RYR2: variants seen among roughly 807,000 people sequenced by gnomAD.
RYR2 encodes the protein cardiac muscle ryanodine receptor-calcium release channel.
Under a neutral mutation model 601.1 loss-of-function variants are expected in RYR2, and 227 were observed. The observed-to-expected ratio is 0.38, with a 90% CI of 0.34 to 0.42. The LOEUF (loss-of-function observed/expected upper bound fraction) is 0.42, where lower values mean the gene tolerates loss of function less well. Among genes scored for constraint, RYR2 ranks in the 10% least tolerant of loss-of-function variants. The pLI is 1.00. For missense variants in RYR2, 4,646 were observed against 6,156.5 expected (o/e 0.75, Z 8.21); for synonymous variants, 2,223 against 2,175.1 (o/e 1.02, Z -0.61).
At position 237,794,141 on chromosome 1, in the gene RYR2, G is replaced by A. The variant is rs962536302; in HGVS notation, c.13913+144G>A. The A allele has an allele frequency of 6.2e-5, 43 of 689,974 alleles. No individual in the cohort carries two copies. The African/African-American group carries it at 7.1e-4, about 11-fold the overall frequency. 42.7% of individuals were successfully genotyped at this position (689,974 alleles called of 1,614,324 possible). A position where few individuals can be genotyped will look rare whatever the true frequency, so the allele number is the denominator to read the frequency against. ...CAGCCAAGAAAAATCTAAAGACTCAGTGCTGTCCAACTCTTAATGGTGGAT... is the reference window on the plus strand; with the variant it reads ...CAGCCAAGAAAAATCTAAAGACTCAATGCTGTCCAACTCTTAATGGTGGAT... On this transcript the variant is annotated intron_variant, in intron 95 of 104. Transcript: ENST00000366574.
chr1:237,613,520 A>G (rs10733119), intron 36 of RYR2, among the ~76,000 whole-genome samples: 137,277 of 152,218 alleles, frequency 0.9, 61,960 homozygotes, highest in Non-Finnish European at 0.91. Flanking sequence ...AGTCTGGAGT[A>G]CAGTGGCGCG....
At chr1:237,545,075 G>T (rs957130247) in intron 25 of RYR2, among the ~76,000 whole-genome samples, 7 of 152,172 alleles carry the variant, frequency 4.6e-5, no homozygotes, top group Non-Finnish European at 1.0e-4. Context: ...AGGAAAGAAG[G>T]TTAAAAAAGT....
rs1553342510 is a variant in RYR2 at position 237,830,604 on chromosome 1, A to G, written c.14730A>G (p.Leu4910=). 1 of 1,605,972 alleles carries G rather than the reference A, an allele frequency of 6.2e-7. No individual in the cohort carries two copies. Among genetic ancestry groups the G allele is most frequent in the South Asian group, 1.1e-5 (1 of 90,764 alleles). The change falls in exon 103 of 105, where the codon TTA becomes TTG. Residue 4910 remains leucine, a synonymous_variant. Coordinates refer to ENST00000366574, the MANE Select transcript of RYR2 (RefSeq NM_001035.3). ...TVPHGFETHT[L]QEHNLANYLF... ...CACATGGCTTTGAAACCCACACTTTACAGGAGCACAACTTGGCTAATTACT... is the reference window on the plus strand; with the variant it reads ...CACATGGCTTTGAAACCCACACTTTGCAGGAGCACAACTTGGCTAATTACT...
intron 84 of RYR2, 148 bp from the exon 85 acceptor site, chr1:237,770,659 C>A: frequency 1.9e-6 from 1 of 519,914 alleles, no homozygotes; most frequent in Non-Finnish European, 3.6e-6. Context: ...ATCTTATGAG[C>A]TTCAGATAGA....
At chr1:237,658,077 T>A in intron 54 of RYR2, 55 bp downstream of exon 54, 2 of 986,898 alleles carry the variant, frequency 2.0e-6, no homozygotes, top group Non-Finnish European at 2.9e-6. Context: ...CTGGTCACTG[T>A]TCAAATATTT....
At chr1:237,566,515 C>G in intron 27 of RYR2, 52 bp from the exon 28 acceptor site, 2 of 1,543,830 alleles carry the variant, frequency 1.3e-6, no homozygotes, top group Non-Finnish European at 1.8e-6. Flanking sequence ...ATCTTTCCTT[C>G]TCTTTCACCT....
intron 2 of RYR2, among the ~76,000 whole-genome samples, chr1:237,314,222 G>A (rs1046656527): frequency 2.6e-5 from 4 of 151,764 alleles, no homozygotes; most frequent in East Asian, 1.9e-4. Context: ...CCGCAACCAC[G>A]CCCAGCTAAT....
In RYR2 at chr1:237,109,093, C is replaced by T. The variant is rs190928589; in HGVS notation, c.48+66524C>T. Among the ~76,000 whole-genome samples, 252 of 151,844 alleles carry T rather than the reference C, an allele frequency of 1.7e-3. 1 individual carries two copies. Among genetic ancestry groups the T allele is most frequent in the Non-Finnish European group, 2.9e-3 (197 of 67,968 alleles). ...GAAACCTAACCTAGCCGAACATAAC[C>T]GGAATAACCAGGGTAAAACCTAACC... On this transcript the variant is annotated intron_variant, in intron 1 of 104. Transcript: ENST00000366574.
chr1:237,206,805 G>A (rs561787127), intron 1 of RYR2, among the ~76,000 whole-genome samples: 5 of 152,164 alleles, frequency 3.3e-5, no homozygotes, highest in African/African-American at 4.8e-5. Flanking sequence ...ACACTATCCC[G>A]GCCATTGCAT....
intron 1 of RYR2, among the ~76,000 whole-genome samples, chr1:237,138,654 A>G (rs1160874571): frequency 6.6e-6 from 1 of 152,256 alleles, no homozygotes; most frequent in Non-Finnish European, 1.5e-5. Flanking sequence ...TACTCATTAT[A>G]AAGTCAACAA....
At chr1:237,100,342 T>C (rs1667944834) in intron 1 of RYR2, among the ~76,000 whole-genome samples, 1 of 151,932 alleles carries the variant, frequency 6.6e-6, no homozygotes, top group African/African-American at 2.4e-5. Context: ...TTCTCGATTC[T>C]CTCTTCTCTC....
chr1:237,514,663 C>T (rs371579962), intron 24 of RYR2, among the ~76,000 whole-genome samples: 1 of 152,116 alleles, frequency 6.6e-6, no homozygotes, highest in Non-Finnish European at 1.5e-5. Flanking sequence ...CCCAGAGCAG[C>T]GTAGCTAAGA....
At chr1:237,536,830 G>A (rs1385147987) in intron 25 of RYR2, among the ~76,000 whole-genome samples, 1 of 151,038 alleles carries the variant, frequency 6.6e-6, no homozygotes, top group Non-Finnish European at 1.5e-5. Flanking sequence ...AGCTTGCAGT[G>A]AGCCGAGATC....
chr1:237,650,126 T>A (rs751401273), intron 50 of RYR2, 29 bp downstream of exon 50: 1 of 1,583,478 alleles, frequency 6.3e-7, no homozygotes, highest in Non-Finnish European at 8.6e-7. Flanking sequence ...CTATTCCGGC[T>A]TCTTCTTTAA....
In RYR2 at chr1:237,634,650, A is replaced by G. The variant is rs555292231; in HGVS notation, c.6689-239A>G. ...TGTATGTGAGGTAATATGTATGTTA[A>G]CTAGCTCAATTGAGTCATTCCACAA... On this transcript the variant is annotated intron_variant, in intron 43 of 104. Transcript: ENST00000366574. Among the ~76,000 whole-genome samples the G allele has an allele frequency of 1.8e-4, 27 of 152,322 alleles. No individual in the cohort carries two copies. The South Asian group carries it at 2.3e-3, about 13-fold the overall frequency.
chr1:237,419,104 G>GTATAAATGTATGTAA (rs1705298401), intron 11 of RYR2, among the ~76,000 whole-genome samples: 1 of 151,854 alleles, frequency 6.6e-6, no homozygotes, highest in South Asian at 2.1e-4. Context: ...CAAATTAATT[G>GTATAAATGTATGTAA]TATACATAAT....
intron 19 of RYR2, 117 bp downstream of exon 19, chr1:237,493,204 T>C (rs1432357575): frequency 1.4e-5 from 16 of 1,155,166 alleles, no homozygotes; most frequent in Non-Finnish European, 1.7e-5. Context: ...AGTATTATTT[T>C]CTGTATTTTT....
chr1:237,373,271 C>T (rs1700780312), intron 6 of RYR2, among the ~76,000 whole-genome samples: 1 of 152,166 alleles, frequency 6.6e-6, no homozygotes, highest in Non-Finnish European at 1.5e-5. Context: ...TGGCTATAAC[C>T]TTGGGAGCCA....
chr1:237,256,193 T>C (rs1200423009), intron 1 of RYR2, among the ~76,000 whole-genome samples: 1 of 152,278 alleles, frequency 6.6e-6, no homozygotes, highest in Admixed American at 6.5e-5. Context: ...GAAACCCATG[T>C]CGCTTGTCTC....
Sources: allele counts gnomAD v4.1 joint callset (sites outside exome capture counted in the v4.1 genomes callset), GRCh38; gene constraint gnomAD v4.1.1; transcripts MANE v1.5; gene names NCBI Gene and HGNC (gene_info 2026-07-23, HGNC 2026-07-21).